Variants in FAM83B observed in about 807,000 individuals in gnomAD.
FAM83B encodes protein FAM83B.
Under a neutral mutation model 38.8 loss-of-function variants are expected in FAM83B, and 26 were observed. The ratio of observed to expected loss-of-function variants is 0.67; its 90% confidence interval spans 0.49 to 0.93. The LOEUF is 0.93. Among genes scored for constraint, FAM83B ranks in the 40% least tolerant of loss-of-function variants. FAM83B has a pLI of 0.00. For missense variants in FAM83B, 1,237 were observed against 1,197.3 expected (o/e 1.03, Z -0.49); for synonymous variants, 419 against 423.1 (o/e 0.99, Z 0.12).
rs1581938041 is a variant in FAM83B, at chr6:54,941,865, C to T, written c.2894C>T (p.Ser965Phe). 6.2e-7 allele frequency: 1 copy of T among 1,608,088 alleles called. No individual in the cohort carries two copies. Among genetic ancestry groups the T allele is most frequent in the South Asian group, 1.1e-5 (1 of 90,816 alleles). ...AGTATAAATCGCCCAGAAATAAAAT[C>T]TGCGACTATGGGCAACAGTTATGGC... ...NTSINRPEIKSATMGNSYGRS... is the reference protein window; with the variant it reads ...NTSINRPEIKFATMGNSYGRS... The change falls in exon 5 of 5, where the codon TCT becomes TTT. Residue 965 changes from serine to phenylalanine, a missense_variant. Physicochemically the swap from Ser to Phe is radical, Grantham distance 155 (BLOSUM62 -2). Transcript: ENST00000306858.
chr6:54,866,366 C>A (rs1289818068), intron 1 of FAM83B, among the ~76,000 whole-genome samples: 1 of 151,978 alleles, frequency 6.6e-6, no homozygotes, highest in African/African-American at 2.4e-5. Flanking sequence ...TGCTGTCTTG[C>A]AAAACTATAA....
In FAM83B at chr6:54,870,690, G is replaced by T. The variant is rs1282883736; in HGVS notation, c.444G>T (p.Lys148Asn). 5 of 1,573,544 alleles carry T rather than the reference G, an allele frequency of 3.2e-6. No individual in the cohort carries two copies. Among genetic ancestry groups the T allele is most frequent in the Non-Finnish European group, 4.3e-6 (5 of 1,162,780 alleles). The change falls in exon 2 of 5, where the codon AAG (lysine) becomes AAT (asparagine). Residue 148 changes from lysine to asparagine, a missense_variant and splice_region_variant. Transcript: ENST00000306858. Reference sequence around the variant, plus strand: ...GGAAGATGATAAAAGAAGCAAGAAAGGTAATAACATTTCTATTTTGAAATG... The same window carrying T: ...GGAAGATGATAAAAGAAGCAAGAAATGTAATAACATTTCTATTTTGAAATG... ...TIRKMIKEAR[K>N]VIALVMDIFT...
chr6:54,925,372 G>A (rs1174835006), intron 2 of FAM83B, among the ~76,000 whole-genome samples: 3 of 152,048 alleles, frequency 2.0e-5, no homozygotes, highest in Non-Finnish European at 4.4e-5. Flanking sequence ...GCAGGATTTT[G>A]TTCTTCTTGC....
chr6:54,880,468 G>A (rs1273947681), intron 2 of FAM83B, among the ~76,000 whole-genome samples: 3 of 119,598 alleles, frequency 2.5e-5, no homozygotes, highest in African/African-American at 9.7e-5. Context: ...TTTTTGAGAC[G>A]GAGTCTCGCT....
chr6:54,859,823 G>A (rs1397801202), intron 1 of FAM83B, among the ~76,000 whole-genome samples: 3 of 152,146 alleles, frequency 2.0e-5, no homozygotes, highest in Non-Finnish European at 1.5e-5. Flanking sequence ...ACTTTGATAT[G>A]CAGGGTTTTG....
At chr6:54,911,140 C>CGTGTGTATGT in intron 2 of FAM83B, among the ~76,000 whole-genome samples, 1 of 147,404 alleles carries the variant, frequency 6.8e-6, no homozygotes, top group South Asian at 2.2e-4. Flanking sequence ...TGACACACAG[C>CGTGTGTATGT]GTGTGTGTGT....
chr6:54,917,034 T>G (rs1773058323), intron 2 of FAM83B, among the ~76,000 whole-genome samples: 2 of 152,308 alleles, frequency 1.3e-5, no homozygotes, highest in East Asian at 3.9e-4. Context: ...TAGGTACTGA[T>G]GACACATAAT....
chr6:54,939,001 ATTTAAGTT>A (rs1232676253), intron 4 of FAM83B, among the ~76,000 whole-genome samples: 1 of 152,132 alleles, frequency 6.6e-6, no homozygotes, highest in African/African-American at 2.4e-5. Context: ...CAGGTCTTAG[ATTTAAGTT>A]TTTGATCCAT....
intron 3 of FAM83B, among the ~76,000 whole-genome samples, chr6:54,927,114 T>C (rs562828406): frequency 3.9e-5 from 6 of 152,300 alleles, no homozygotes; most frequent in South Asian, 2.1e-4. Flanking sequence ...AACCAGTGAC[T>C]CTGGTGCTTC....
At position 54,918,489 on chromosome 6, in the gene FAM83B, A is replaced by G. The variant is rs187445919; in HGVS notation, c.445-7882A>G. Among the ~76,000 whole-genome samples, 147 of 152,232 alleles carry G rather than the reference A, an allele frequency of 9.7e-4. 1 individual carries two copies. Among genetic ancestry groups the G allele is most frequent in the African/African-American group, 2.2e-3 (91 of 41,542 alleles). On this transcript the variant is annotated intron_variant, in intron 2 of 4. Transcript: ENST00000306858. ...CTGGCGATGCCTCAGGAAACTTACA[A>G]TCATGGCAGAAGGGAAAGCAAACAT...
rs544015068 is a variant in FAM83B at position 54,847,495 on chromosome 6, C to A, written c.-61+669C>A. On this transcript the variant is annotated intron_variant, in intron 1 of 4. Coordinates refer to ENST00000306858, the MANE Select transcript of FAM83B (RefSeq NM_001010872.3). ...GTGCCCTAGCAGCTCTCCAGGAGAG[C>A]CTGTACCTACCAAAGTTTGAGAACC... is the stretch of plus-strand genomic sequence containing the variant. Among the ~76,000 whole-genome samples the A allele has an allele frequency of 2.8e-4, 42 of 152,210 alleles. No homozygotes were observed. In the South Asian group the frequency reaches 8.7e-3, roughly 32 times the overall value.
chr6:54,884,846 C>T (rs1772231526), intron 2 of FAM83B, among the ~76,000 whole-genome samples: 1 of 150,816 alleles, frequency 6.6e-6, no homozygotes. Context: ...GATCTGGGCT[C>T]ACTGCAAGCT....
At chr6:54,864,835 G>A (rs1771663710) in intron 1 of FAM83B, among the ~76,000 whole-genome samples, 1 of 152,110 alleles carries the variant, frequency 6.6e-6, no homozygotes, top group South Asian at 2.1e-4. Context: ...CTTACATTAT[G>A]TAGACAGACA....
intron 1 of FAM83B, among the ~76,000 whole-genome samples, chr6:54,859,264 G>A (rs562564255): frequency 1.3e-5 from 2 of 152,168 alleles, no homozygotes; most frequent in Non-Finnish European, 2.9e-5. Flanking sequence ...GTTTCGCCAT[G>A]TTGGCCAGGC....
At chr6:54,886,961 G>T (rs1772291224) in intron 2 of FAM83B, among the ~76,000 whole-genome samples, 1 of 151,678 alleles carries the variant, frequency 6.6e-6, no homozygotes, top group Admixed American at 6.6e-5. Flanking sequence ...TTGGTTGCTG[G>T]ATTATTCAGA....
intron 2 of FAM83B, among the ~76,000 whole-genome samples, chr6:54,911,988 T>G (rs1044036926): frequency 6.6e-6 from 1 of 152,070 alleles, no homozygotes. Flanking sequence ...AATGTACTGC[T>G]CCAAGATAAT....
chr6:54,878,434 G>A (rs1772048336), intron 2 of FAM83B, among the ~76,000 whole-genome samples: 1 of 152,174 alleles, frequency 6.6e-6, no homozygotes, highest in Non-Finnish European at 1.5e-5. Context: ...AGCTGAGAGT[G>A]GTGGTGGAAG....
At chr6:54,937,874 A>G (rs1169594151) in intron 4 of FAM83B, among the ~76,000 whole-genome samples, 1 of 151,986 alleles carries the variant, frequency 6.6e-6, no homozygotes, top group Non-Finnish European at 1.5e-5. Context: ...TATTTTTTTT[A>G]ACATTCTATT....
chr6:54,921,071 T>G (rs1773156566), intron 2 of FAM83B, among the ~76,000 whole-genome samples: 1 of 152,000 alleles, frequency 6.6e-6, no homozygotes, highest in African/African-American at 2.4e-5. Flanking sequence ...TTTTTTACTT[T>G]TGCCTCTGTA....
Sources: allele counts gnomAD v4.1 joint callset (sites outside exome capture counted in the v4.1 genomes callset), GRCh38; gene constraint gnomAD v4.1.1; transcripts MANE v1.5; gene names NCBI Gene and HGNC (gene_info 2026-07-23, HGNC 2026-07-21).